CDH2: variants seen among roughly 807,000 people sequenced by gnomAD.
CDH2 encodes the protein cadherin 2.
Under a neutral mutation model 92.0 loss-of-function variants are expected in CDH2, and 17 were observed. The observed-to-expected ratio is 0.18, with a 90% CI of 0.13 to 0.28. CDH2 has a LOEUF of 0.28. Among genes scored for constraint, CDH2 ranks in the 10% least tolerant of loss-of-function variants. The pLI is 1.00. For synonymous variants in CDH2, 419 were observed against 415.9 expected (o/e 1.01, Z -0.09); for missense variants, 862 against 1,133.1 (o/e 0.76, Z 3.44).
chr18:28,092,361 C>A (rs2015051743), intron 2 of CDH2, among the ~76,000 whole-genome samples: 3 of 151,986 alleles, frequency 2.0e-5, no homozygotes, highest in South Asian at 4.1e-4. Flanking sequence ...GAAATGATTA[C>A]CTTCATGTAT....
At chr18:27,963,837 C>T (rs1205959686) in intron 14 of CDH2, 2 of 250,076 alleles carry the variant, frequency 8.0e-6, no homozygotes, top group African/African-American at 2.2e-5. Context: ...ATAGTTGTAC[C>T]ATACAAGCAA....
Position 28,031,799 on chromosome 18 carries a change from G to A in CDH2, c.173-17890C>T, listed in dbSNP as rs1302944645. Among the ~76,000 whole-genome samples, 7 of 152,038 alleles carry A rather than the reference G, an allele frequency of 4.6e-5. No homozygotes were observed. The East Asian group carries it at 7.7e-4, about 17-fold the overall frequency. On this transcript the variant is annotated intron_variant, in intron 2 of 15. Transcript: ENST00000269141. ...GTCTTTTATAGATTTCATAGCTAAA[G>A]CTATTTTTCCTTAGTTTTTCTAACT... is the stretch of plus-strand genomic sequence containing the variant.
intron 1 of CDH2, 63 bp from the exon 2 acceptor site, chr18:28,147,847 C>T (rs1450166139): frequency 4.3e-6 from 4 of 922,056 alleles, no homozygotes; most frequent in Non-Finnish European, 6.8e-6. Flanking sequence ...AACTGAGAAA[C>T]ATTCCACTTG....
At chr18:28,016,041 G>A (rs981498543) in intron 2 of CDH2, among the ~76,000 whole-genome samples, 13 of 152,270 alleles carry the variant, frequency 8.5e-5, no homozygotes, top group African/African-American at 3.1e-4. Context: ...CCTAGGGCCA[G>A]GTCATCACTT....
chr18:28,087,921 C>T (rs766983557), intron 2 of CDH2, among the ~76,000 whole-genome samples: 1 of 152,142 alleles, frequency 6.6e-6, no homozygotes, highest in African/African-American at 2.4e-5. Flanking sequence ...TACAGATACT[C>T]GGTTTTTTAC....
At chr18:28,119,524 T>A (rs1399234206) in intron 2 of CDH2, among the ~76,000 whole-genome samples, 2 of 152,172 alleles carry the variant, frequency 1.3e-5, no homozygotes. Flanking sequence ...GTTTTATGCA[T>A]AATTTATAAA....
chr18:28,038,852 C>T (rs1001352992), intron 2 of CDH2, among the ~76,000 whole-genome samples: 3 of 152,032 alleles, frequency 2.0e-5, no homozygotes, highest in Non-Finnish European at 2.9e-5. Flanking sequence ...CTTTTTCAAA[C>T]GTAAAACTCA....
At chr18:28,167,758 T>C (rs991061707) in intron 1 of CDH2, among the ~76,000 whole-genome samples, 3 of 152,144 alleles carry the variant, frequency 2.0e-5, no homozygotes, top group Admixed American at 2.0e-4. Context: ...ATAAAGTAAA[T>C]GTATATGTGT....
intron 14 of CDH2, among the ~76,000 whole-genome samples, chr18:27,973,126 A>C (rs2011712940): frequency 6.6e-6 from 1 of 152,180 alleles, no homozygotes; most frequent in South Asian, 2.1e-4. Flanking sequence ...TTCTTACCCC[A>C]TCTCAGGCAC....
intron 1 of CDH2, among the ~76,000 whole-genome samples, chr18:28,175,715 G>C (rs1452251860): frequency 6.6e-6 from 1 of 152,216 alleles, no homozygotes; most frequent in East Asian, 1.9e-4. Flanking sequence ...CCCCGGAGCA[G>C]GCACTTCCGA....
intron 2 of CDH2, among the ~76,000 whole-genome samples, chr18:28,017,621 C>T (rs2013289640): frequency 6.6e-6 from 1 of 152,056 alleles, no homozygotes; most frequent in Admixed American, 6.6e-5. Context: ...TAGTTGTGCT[C>T]TGACCTTGGT....
Position 27,951,793 on chromosome 18 carries a change from T to C in CDH2, c.*360A>G, listed in dbSNP as rs978853042. 1.5e-5 allele frequency: 3 copies of C among 195,460 alleles called. No individual in the cohort carries two copies. The highest frequency in any genetic ancestry group is 7.0e-5 in the African/African-American group (3 of 42,794). The allele number at this position is 195,460 out of a possible 1,614,324, so 12.1% of individuals were successfully genotyped here. ...AACAAAAGCGTGTTGAAGCATATCATGGTTTAACTTACTGCTCCCACCACA... is the reference window on the plus strand; with the variant it reads ...AACAAAAGCGTGTTGAAGCATATCACGGTTTAACTTACTGCTCCCACCACA... On this transcript the variant is annotated 3_prime_UTR_variant, in exon 16 of 16. Transcript: ENST00000269141.
intron 14 of CDH2, among the ~76,000 whole-genome samples, chr18:27,977,309 T>G (rs1331857855): frequency 6.6e-6 from 1 of 152,186 alleles, no homozygotes; most frequent in African/African-American, 2.4e-5. Flanking sequence ...CGAACTCTAA[T>G]AAATCTCTGT....
At chr18:28,072,983 C>CT (rs1171441572) in intron 2 of CDH2, among the ~76,000 whole-genome samples, 6 of 152,064 alleles carry the variant, frequency 3.9e-5, no homozygotes, top group Admixed American at 2.6e-4. Context: ...CTATTACTGT[C>CT]TTAGCTGTCA....
At chr18:28,045,337 T>A in intron 2 of CDH2, 1 of 445,566 alleles carries the variant, frequency 2.2e-6, no homozygotes, top group Non-Finnish European at 4.6e-6. Flanking sequence ...GATGAATAAG[T>A]CTTTGTAAAA....
At chr18:28,111,445 T>C (rs188251219) in intron 2 of CDH2, among the ~76,000 whole-genome samples, 32 of 152,240 alleles carry the variant, frequency 2.1e-4, no homozygotes, top group African/African-American at 7.2e-4. Flanking sequence ...GTTGTCCACA[T>C]CAAAGAAAAA....
intron 2 of CDH2, among the ~76,000 whole-genome samples, chr18:28,037,731 G>A (rs2013864458): frequency 6.6e-6 from 1 of 152,168 alleles, no homozygotes; most frequent in South Asian, 2.1e-4. Context: ...GTAGACAAGT[G>A]TCAAACATTT....
At chr18:28,073,475 T>C (rs1394635927) in intron 2 of CDH2, among the ~76,000 whole-genome samples, 2 of 152,314 alleles carry the variant, frequency 1.3e-5, no homozygotes, top group South Asian at 4.1e-4. Flanking sequence ...AAAATAAAGA[T>C]ACTATTTTAA....
chr18:28,172,275 C>T (rs1350389587), intron 1 of CDH2, among the ~76,000 whole-genome samples: 1 of 152,230 alleles, frequency 6.6e-6, no homozygotes, highest in Non-Finnish European at 1.5e-5. Context: ...TTTAAATCTA[C>T]ATCTTTCAAA....
Sources: allele counts gnomAD v4.1 joint callset (sites outside exome capture counted in the v4.1 genomes callset), GRCh38; gene constraint gnomAD v4.1.1; transcripts MANE v1.5; gene names NCBI Gene and HGNC (gene_info 2026-07-23, HGNC 2026-07-21).